The following PCBP3 variants were observed in gnomAD, a reference collection of about 807,000 sequenced individuals.
PCBP3 encodes the protein poly(rC)-binding protein 3.
In PCBP3, 25 loss-of-function variants were observed where a neutral mutation model predicts 52.7. The observed-to-expected ratio is 0.47, with a 90% CI of 0.35 to 0.66. The LOEUF is 0.66. Among genes scored for constraint, PCBP3 ranks in the 30% least tolerant of loss-of-function variants. The pLI is 0.01. For synonymous variants in PCBP3, 162 were observed against 183.0 expected, an observed-to-expected ratio of 0.89 and a Z score of 0.93; for missense variants, 391 against 490.3, an observed-to-expected ratio of 0.80 and a Z score of 1.91.
At chr21:45,670,718 T>G (rs1014051262) in intron 2 of PCBP3, among the ~76,000 whole-genome samples, 11 of 152,190 alleles carry the variant, frequency 7.2e-5, no homozygotes, top group African/African-American at 2.7e-4. Context: ...AGTATCTGAT[T>G]CATGCTTTTA....
chr21:45,679,937 C>A lies in PCBP3; in HGVS notation c.-200+10985C>A, dbSNP rs528006011. ...TATGGATATTTGATTGCTCTTACAT[C>A]ATTTTTTGGAAAGTCTATCCTCTCA... On this transcript the variant is annotated intron_variant, in intron 2 of 17. Coordinates refer to ENST00000681687, the MANE Select transcript of PCBP3 (RefSeq NM_001384156.1). Among the ~76,000 whole-genome samples, 28 of 152,310 alleles carry A rather than the reference C, an allele frequency of 1.8e-4. No homozygotes were observed. In the South Asian group the frequency reaches 5.8e-3, roughly 32 times the overall value.
chr21:45,651,444 T>C (rs1200549744), intron 1 of PCBP3, among the ~76,000 whole-genome samples: 1 of 152,268 alleles, frequency 6.6e-6, no homozygotes, highest in Non-Finnish European at 1.5e-5. Context: ...CAGTGTTTTT[T>C]CCTACTTGTA....
At chr21:45,722,054 T>C (rs935100558) in intron 2 of PCBP3, among the ~76,000 whole-genome samples, 7 of 152,260 alleles carry the variant, frequency 4.6e-5, no homozygotes, top group African/African-American at 1.7e-4. Context: ...ATGTACAGAG[T>C]ATGTTCACTA....
chr21:45,644,273 C>G (rs1432415321), intron 1 of PCBP3, among the ~76,000 whole-genome samples: 2 of 151,600 alleles, frequency 1.3e-5, no homozygotes, highest in Admixed American at 1.3e-4. Flanking sequence ...GGAGCGGCCG[C>G]GGCGGCTGGA....
At chr21:45,814,667 A>ATGAG (rs1569258529) in intron 4 of PCBP3, among the ~76,000 whole-genome samples, 1 of 55,372 alleles carries the variant, frequency 1.8e-5, no homozygotes, top group Non-Finnish European at 3.5e-5. Flanking sequence ...GTGGTGAGTG[A>ATGAG]TGAGTGGTGA....
intron 4 of PCBP3, among the ~76,000 whole-genome samples, chr21:45,777,006 A>G (rs1232381671): frequency 4.6e-5 from 7 of 152,062 alleles, no homozygotes; most frequent in Non-Finnish European, 8.8e-5. Context: ...ATGCTTTACC[A>G]CTGAGTTATG....
In PCBP3 at chr21:45,691,160, T is replaced by G. The variant is rs141895260; in HGVS notation, c.-200+22208T>G. Among the ~76,000 whole-genome samples the G allele has an allele frequency of 2.6e-4, 39 of 151,964 alleles. No individual in the cohort carries two copies. In the East Asian group the frequency reaches 6.8e-3, roughly 26 times the overall value. On this transcript the variant is annotated intron_variant, in intron 2 of 17. Transcript: ENST00000681687. ...AGTAAACAAAGAGTACAATACTAACTAATAAACAGGAACAAAATACATTCA... is the reference window on the plus strand; with the variant it reads ...AGTAAACAAAGAGTACAATACTAACGAATAAACAGGAACAAAATACATTCA...
chr21:45,722,740 G>A (rs1455082253), intron 2 of PCBP3, among the ~76,000 whole-genome samples: 1 of 152,176 alleles, frequency 6.6e-6, no homozygotes, highest in Non-Finnish European at 1.5e-5. Context: ...AGTGGCTCAC[G>A]TCTGTAATCC....
chr21:45,693,990 T>C (rs1488395688), intron 2 of PCBP3, among the ~76,000 whole-genome samples: 1 of 152,166 alleles, frequency 6.6e-6, no homozygotes, highest in Non-Finnish European at 1.5e-5. Flanking sequence ...AGTTAAACTC[T>C]TCTGAGATTT....
At chr21:45,707,453 T>G (rs1487220306) in intron 2 of PCBP3, among the ~76,000 whole-genome samples, 1 of 152,086 alleles carries the variant, frequency 6.6e-6, no homozygotes, top group Non-Finnish European at 1.5e-5. Context: ...GAAGCAGAGG[T>G]TGCAGTGAGC....
At chr21:45,654,182 CAGTT>C (rs1395497948) in intron 1 of PCBP3, among the ~76,000 whole-genome samples, 1 of 151,924 alleles carries the variant, frequency 6.6e-6, no homozygotes. Flanking sequence ...GTAATATTAA[CAGTT>C]AGTGTTCATT....
rs76328860 is a variant in PCBP3 at position 45,726,537 on chromosome 21, C to T, written c.-199-8855C>T. ...TGGCAGCATCCTGACCCGCCCTGCT[C>T]ACATGCCCCATCCCTGCTTTCCCCT... On this transcript the variant is annotated intron_variant, in intron 2 of 17. Coordinates refer to ENST00000681687, the MANE Select transcript of PCBP3 (RefSeq NM_001384156.1). Among the ~76,000 whole-genome samples the T allele has an allele frequency of 6.6e-5, 10 of 152,274 alleles. No individual in the cohort carries two copies. The East Asian group carries it at 9.7e-4, about 15-fold the overall frequency.
intron 5 of PCBP3, among the ~76,000 whole-genome samples, chr21:45,887,656 C>T (rs78702357): frequency 2.0e-5 from 3 of 152,348 alleles, no homozygotes; most frequent in African/African-American, 4.8e-5. Flanking sequence ...CAAACAGCGT[C>T]GCCATTCCGG....
At chr21:45,894,045 G>T (rs145352847) in intron 5 of PCBP3, 2 of 985,296 alleles carry the variant, frequency 2.0e-6, no homozygotes, top group Non-Finnish European at 2.4e-6. Flanking sequence ...GCCAGAGAGT[G>T]GTTGATGCCT....
chr21:45,891,029 A>G (rs894524583), intron 5 of PCBP3, among the ~76,000 whole-genome samples: 4 of 151,530 alleles, frequency 2.6e-5, no homozygotes, highest in Admixed American at 6.6e-5. Context: ...TGCTGAGGGG[A>G]ATGTAGATAA....
In PCBP3 at chr21:45,837,945, T is replaced by C. The variant is rs1467264864; in HGVS notation, c.-125-12016T>C. ...CAGAACGGTGATTTTCTAATTGTGT[T>C]GTTCTTTCTGTACTTATTAGTTGGG... On this transcript the variant is annotated intron_variant, in intron 4 of 17. Coordinates refer to ENST00000681687, the MANE Select transcript of PCBP3 (RefSeq NM_001384156.1). This position sits in a 1 kb window ranked among gnomAD's most constrained non-coding sequence, Gnocchi z 4.1. Among the ~76,000 whole-genome samples, 2 of 152,246 alleles carry C rather than the reference T, an allele frequency of 1.3e-5. No homozygotes were observed. Among genetic ancestry groups the C allele is most frequent in the African/African-American group, 4.8e-5 (2 of 41,462 alleles).
At chr21:45,710,812 CACTT>C (rs1165558601) in intron 2 of PCBP3, among the ~76,000 whole-genome samples, 1 of 152,166 alleles carries the variant, frequency 6.6e-6, no homozygotes, top group African/African-American at 2.4e-5. Flanking sequence ...TCTGCTCTCA[CACTT>C]ATTTATTTTT....
chr21:45,796,570 T>C (rs1448670690), intron 4 of PCBP3, among the ~76,000 whole-genome samples: 1 of 152,184 alleles, frequency 6.6e-6, no homozygotes, highest in Non-Finnish European at 1.5e-5. Context: ...GTCTTCTAAT[T>C]TCATCTTTAT....
At chr21:45,863,600 G>A (rs1015755594) in intron 5 of PCBP3, among the ~76,000 whole-genome samples, 1 of 152,240 alleles carries the variant, frequency 6.6e-6, no homozygotes, top group African/African-American at 2.4e-5. Context: ...TCCCGCCCGA[G>A]GCCAATGGGG....
Sources: allele counts gnomAD v4.1 joint callset (sites outside exome capture counted in the v4.1 genomes callset), GRCh38; gene constraint gnomAD v4.1.1; non-coding constraint Gnocchi (gnomAD v3.1); transcripts MANE v1.5; gene names NCBI Gene and HGNC (gene_info 2026-07-23, HGNC 2026-07-21).